Variants in DPP10 observed in about 807,000 individuals in gnomAD.
DPP10 encodes dipeptidyl peptidase like 10.
In DPP10, 33 loss-of-function variants were observed where a neutral mutation model predicts 120.9. The ratio of observed to expected loss-of-function variants is 0.27; its 90% CI spans 0.21 to 0.37. The LOEUF (loss-of-function observed/expected upper bound fraction) is 0.37. Among genes scored for constraint, DPP10 ranks in the 10% least tolerant of loss-of-function variants. The probability of loss-of-function intolerance (pLI) is 1.00; values close to 1 mark genes in which losing one functional copy is unlikely to be tolerated. For missense variants in DPP10, 816 were observed against 942.8 expected (o/e 0.87, Z 1.76); for synonymous variants, 337 against 326.1 (o/e 1.03, Z -0.36).
Position 115,842,306 on chromosome 2 carries a change from A to G in DPP10, c.2352A>G (p.Glu784=). The G allele has an allele frequency of 6.2e-7, 1 of 1,614,018 alleles. No individual in the cohort carries two copies. Among genetic ancestry groups the G allele is most frequent in the Middle Eastern group, 1.6e-4 (1 of 6,062 alleles). The change falls in exon 26 of 26, where the codon GAA becomes GAG. Residue 784 remains glutamate, a synonymous_variant. Transcript: ENST00000410059. Reference sequence around the variant, plus strand: ...TCTTCAGTGATTGTTTGAAGGAAGAAATATCTGTGCTACCACAGGAACCAG... The same window carrying G: ...TCTTCAGTGATTGTTTGAAGGAAGAGATATCTGTGCTACCACAGGAACCAG... ...LKFFSDCLKE[E]ISVLPQEPEE...
At chr2:115,495,819 G>T (rs1312816752) in intron 3 of DPP10, among the ~76,000 whole-genome samples, 1 of 152,108 alleles carries the variant, frequency 6.6e-6, no homozygotes, top group Non-Finnish European at 1.5e-5. Flanking sequence ...TCGAATGTGT[G>T]TTCAGAATAA....
chr2:114,995,527 C>T (rs1248218292), intron 1 of DPP10, among the ~76,000 whole-genome samples: 2 of 152,142 alleles, frequency 1.3e-5, no homozygotes, highest in African/African-American at 2.4e-5. Flanking sequence ...ACTGCATAAC[C>T]TCTTTAGAGT....
At chr2:114,949,938 TC>T (rs1233787321) in intron 1 of DPP10, among the ~76,000 whole-genome samples, 1 of 152,216 alleles carries the variant, frequency 6.6e-6, no homozygotes, top group Non-Finnish European at 1.5e-5. Flanking sequence ...CTCTGTGGCA[TC>T]TCCTTTAAGA....
At chr2:115,821,294 C>T (rs576319175) in intron 21 of DPP10, among the ~76,000 whole-genome samples, 5 of 152,216 alleles carry the variant, frequency 3.3e-5, no homozygotes, top group African/African-American at 7.2e-5. Context: ...CCTGCAACTA[C>T]AGAATTATTA....
At chr2:115,735,584 G>T (rs182543510) in intron 8 of DPP10, among the ~76,000 whole-genome samples, 1 of 149,800 alleles carries the variant, frequency 6.7e-6, no homozygotes, top group African/African-American at 2.5e-5. Flanking sequence ...GCAGTGGCAC[G>T]ATCCCGGCTC....
Position 114,442,663 on chromosome 2 carries a change from GT to G in DPP10, c.-115del. ...AACAGAAGCAGCAGAAGCAACAGCAGTAGCAGCGGCAGCAGCAACAGCAGCA... is the reference window on the plus strand; with the variant it reads ...AACAGAAGCAGCAGAAGCAACAGCAGAGCAGCGGCAGCAGCAACAGCAGCA... On this transcript the variant is annotated 5_prime_UTR_variant, in exon 1 of 26. Transcript: ENST00000410059. 8.6e-7 allele frequency: 1 copy of G among 1,163,980 alleles called. No homozygotes were observed. The highest frequency in any genetic ancestry group is 1.3e-6 in the Non-Finnish European group (1 of 796,302). 72.1% of individuals were successfully genotyped at this position (1,163,980 alleles called of 1,614,324 possible).
At chr2:115,791,638 C>G (rs1161055428) in intron 19 of DPP10, among the ~76,000 whole-genome samples, 1 of 152,168 alleles carries the variant, frequency 6.6e-6, no homozygotes, top group Non-Finnish European at 1.5e-5. Context: ...AGCAATTACT[C>G]AAGCCCTGCG....
Position 115,836,174 on chromosome 2 carries a change from T to C in DPP10, c.1968T>C (p.Ile656=). Residue 656 remains isoleucine (I), a synonymous_variant, in exon 22 of 26, where the codon ATT becomes ATC. Transcript: ENST00000410059. ...SIFGKGYGGY[I]ASMILKSDEK... ...CCCCCCAGGGTTATGGTGGCTATAT[T>C]GCATCAATGATCTTAAAATCAGATG... 1 of 1,599,502 alleles carries C rather than the reference T, an allele frequency of 6.3e-7. No homozygotes were observed. Among genetic ancestry groups the C allele is most frequent in the East Asian group, 2.3e-5 (1 of 44,128 alleles).
intron 1 of DPP10, chr2:114,833,609 G>A (rs1381126542): frequency 1.3e-5 from 2 of 152,160 alleles, no homozygotes; most frequent in Non-Finnish European, 2.9e-5. Context: ...TGATTGCAGT[G>A]TGTTCTTCAG....
chr2:115,481,642 C>CT (rs1367765161), intron 3 of DPP10, among the ~76,000 whole-genome samples: 1 of 151,918 alleles, frequency 6.6e-6, no homozygotes, highest in African/African-American at 2.4e-5. Flanking sequence ...ATTTTGTCGA[C>CT]TTTTTTCTCA....
chr2:115,413,446 G>A (rs1046720516), intron 3 of DPP10, among the ~76,000 whole-genome samples: 1 of 152,046 alleles, frequency 6.6e-6, no homozygotes, highest in Non-Finnish European at 1.5e-5. Flanking sequence ...GAGCATGAGG[G>A]TAGGTTATCT....
At chr2:115,023,613 C>G (rs1703237388) in intron 1 of DPP10, among the ~76,000 whole-genome samples, 1 of 152,084 alleles carries the variant, frequency 6.6e-6, no homozygotes, top group South Asian at 2.1e-4. Flanking sequence ...AGAAGTAGAT[C>G]TGCTGTTCGA....
chr2:115,359,421 T>A (rs1337331439), intron 3 of DPP10, among the ~76,000 whole-genome samples: 1 of 152,170 alleles, frequency 6.6e-6, no homozygotes, highest in Non-Finnish European at 1.5e-5. Flanking sequence ...TTATCTGAAA[T>A]TTTTTTAATG....
chr2:114,915,850 A>G (rs1447106547), intron 1 of DPP10, among the ~76,000 whole-genome samples: 1 of 152,224 alleles, frequency 6.6e-6, no homozygotes, highest in Non-Finnish European at 1.5e-5. Context: ...CAGTGTTAAG[A>G]AGAAAGTTTA....
chr2:115,572,870 C>A (rs1201428049), intron 5 of DPP10, among the ~76,000 whole-genome samples: 1 of 152,120 alleles, frequency 6.6e-6, no homozygotes, highest in African/African-American at 2.4e-5. Flanking sequence ...CTTTTGTAAG[C>A]CATGACTACA....
intron 1 of DPP10, among the ~76,000 whole-genome samples, chr2:114,991,548 C>T (rs1007937429): frequency 2.6e-5 from 4 of 152,204 alleles, no homozygotes; most frequent in Admixed American, 6.5e-5. Flanking sequence ...CTGCCAACAA[C>T]ATATTAATTC....
rs190479499 is a variant in DPP10 at position 115,388,075 on chromosome 2, T to G, written c.271+44163T>G. ...TTAAAAAATATATATGACGTAAAGT[T>G]TCTATGAAAGCCAAATTATAGGTCA... is the stretch of plus-strand genomic sequence containing the variant. On this transcript the variant is annotated intron_variant, in intron 3 of 25. Transcript: ENST00000410059. 9.2e-5 allele frequency among the ~76,000 whole-genome samples: 14 copies of G among 152,284 alleles called. No homozygotes were observed. In the East Asian group the frequency reaches 2.7e-3, roughly 29 times the overall value.
At chr2:115,405,416 G>A (rs899617725) in intron 3 of DPP10, among the ~76,000 whole-genome samples, 4 of 152,140 alleles carry the variant, frequency 2.6e-5, no homozygotes, top group Admixed American at 6.5e-5. Context: ...AGCCCGTGTG[G>A]CTACTGTCAT....
At chr2:114,775,240 A>G (rs1341422903) in intron 1 of DPP10, among the ~76,000 whole-genome samples, 2 of 152,176 alleles carry the variant, frequency 1.3e-5, no homozygotes, top group African/African-American at 4.8e-5. Flanking sequence ...TAAAGGTCAT[A>G]AAGTGTCCAA....
Sources: gnomAD v4.1 joint callset for allele counts (sites outside exome capture counted in the v4.1 genomes callset) on GRCh38, gnomAD v4.1.1 for gene constraint, MANE v1.5 for transcripts, NCBI Gene and HGNC (gene_info 2026-07-23, HGNC 2026-07-21) for gene names.